The following EIF4G3 variants were observed in gnomAD, a reference collection of about 807,000 sequenced individuals.
EIF4G3 encodes eIF-4-gamma 3.
In EIF4G3, 34 loss-of-function variants were observed where a neutral mutation model predicts 186.4. The observed-to-expected ratio is 0.18, with a 90% confidence interval of 0.14 to 0.24. The LOEUF (loss-of-function observed/expected upper bound fraction) is 0.24. EIF4G3 is among the 10% of genes least tolerant of loss of function. The probability of loss-of-function intolerance (pLI) is 1.00; values close to 1 mark genes in which losing one functional copy is unlikely to be tolerated. For synonymous variants in EIF4G3, 673 were observed against 679.5 expected, an observed-to-expected ratio of 0.99 and a Z score of 0.15; for missense variants, 1,536 against 1,948.5, an observed-to-expected ratio of 0.79 and a Z score of 3.99.
At position 20,849,376 on chromosome 1, in the gene EIF4G3, GACTT is replaced by G. The variant is rs571339699; in HGVS notation, c.3888+35_3888+38del. 2.5e-4 allele frequency: 288 copies of G among 1,149,352 alleles called. 8 individuals are homozygous for G. The South Asian group carries it at 4.2e-3, about 17-fold the overall frequency. The allele number at this position is 1,149,352 out of a possible 1,614,324, so 71.2% of individuals were successfully genotyped here. ...ACCAAGTTATTCTATACTATCAAAG[GACTT>G]ACTGTGTGTGTGTTTTTTTTTTAAT... On this transcript the variant is annotated intron_variant, in intron 29 of 36. Transcript: ENST00000602326.
At chr1:21,103,440 C>A (rs2096561710) in intron 2 of EIF4G3, among the ~76,000 whole-genome samples, 1 of 151,950 alleles carries the variant, frequency 6.6e-6, no homozygotes. Flanking sequence ...TAAATAATGC[C>A]CTAGAGAATA....
intron 14 of EIF4G3, among the ~76,000 whole-genome samples, chr1:20,914,625 T>C (rs546006689): frequency 6.6e-6 from 1 of 152,354 alleles, no homozygotes; most frequent in East Asian, 1.9e-4. Flanking sequence ...CCATTATGTT[T>C]GTGGTGATTA....
At chr1:20,920,352 TTC>T (rs1395030569) in intron 14 of EIF4G3, among the ~76,000 whole-genome samples, 2 of 152,242 alleles carry the variant, frequency 1.3e-5, no homozygotes, top group Admixed American at 6.5e-5. Flanking sequence ...TTTATTCACA[TTC>T]TTTTTTATTA....
At chr1:21,078,214 TGTAA>T (rs774106207) in intron 3 of EIF4G3, among the ~76,000 whole-genome samples, 1 of 152,234 alleles carries the variant, frequency 6.6e-6, no homozygotes, top group Non-Finnish European at 1.5e-5. Flanking sequence ...TGTGGATCAA[TGTAA>T]GTATCCATCA....
At chr1:21,148,776 C>G (rs2097500426) in intron 2 of EIF4G3, among the ~76,000 whole-genome samples, 1 of 149,956 alleles carries the variant, frequency 6.7e-6, no homozygotes, top group Admixed American at 6.7e-5. Flanking sequence ...GGGAGGATAG[C>G]CAGGAGTTCA....
At chr1:21,031,206 A>C (rs554596076) in intron 4 of EIF4G3, among the ~76,000 whole-genome samples, 1 of 151,962 alleles carries the variant, frequency 6.6e-6, no homozygotes, top group Non-Finnish European at 1.5e-5. Flanking sequence ...CAACAACAAC[A>C]ACAACAACAA....
chr1:20,852,914 C>T (rs2154550684), intron 27 of EIF4G3, among the ~76,000 whole-genome samples: 1 of 151,956 alleles, frequency 6.6e-6, no homozygotes, highest in East Asian at 1.9e-4. Context: ...ATGGGAGCAT[C>T]GCTTGAGACC....
intron 12 of EIF4G3, among the ~76,000 whole-genome samples, chr1:20,969,093 C>T (rs2075306914): frequency 6.6e-6 from 1 of 152,158 alleles, no homozygotes; most frequent in African/African-American, 2.4e-5. Flanking sequence ...AAATTCTCAA[C>T]CTTAATGTTT....
intron 7 of EIF4G3, among the ~76,000 whole-genome samples, chr1:20,984,593 CTT>C (rs1158261981): frequency 4.5e-5 from 6 of 132,600 alleles, no homozygotes; most frequent in Non-Finnish European, 3.3e-5. Context: ...CATATATACA[CTT>C]TTTTTTTTTT....
In EIF4G3 at chr1:21,147,321, G is replaced by C. The variant is rs939628246; in HGVS notation, c.-272+28854C>G. On this transcript the variant is annotated intron_variant, in intron 2 of 36. Coordinates refer to ENST00000602326, the MANE Select transcript of EIF4G3 (RefSeq NM_001391906.1). Reference sequence around the variant, plus strand: ...ATTTATAAAACACATGCACTGTTTTGCTAAGTTTGTTTGTTTTTTGTTTGT... The same window carrying C: ...ATTTATAAAACACATGCACTGTTTTCCTAAGTTTGTTTGTTTTTTGTTTGT... Among the ~76,000 whole-genome samples, 3 of 151,938 alleles carry C rather than the reference G, an allele frequency of 2.0e-5. 1 individual carries two copies. Among genetic ancestry groups the C allele is most frequent in the African/African-American group, 7.2e-5 (3 of 41,384 alleles).
chr1:20,892,725 C>T (rs1474200997), intron 18 of EIF4G3: 2 of 1,532,052 alleles, frequency 1.3e-6, no homozygotes, highest in Admixed American at 4.0e-5. Flanking sequence ...CTGCACTTTG[C>T]AAATCTGTAG....
intron 4 of EIF4G3, among the ~76,000 whole-genome samples, chr1:21,006,396 G>A (rs531615042): frequency 2.4e-4 from 37 of 152,206 alleles, no homozygotes; most frequent in African/African-American, 8.4e-4. Flanking sequence ...TTCCCTTTTC[G>A]AATAATTTCA....
Position 21,133,707 on chromosome 1 carries a change from T to C in EIF4G3, c.-272+42468A>G, listed in dbSNP as rs541938244. 1.1e-4 allele frequency among the ~76,000 whole-genome samples: 16 copies of C among 152,290 alleles called. No individual in the cohort carries two copies. The East Asian group carries it at 2.1e-3, about 20-fold the overall frequency. On this transcript the variant is annotated intron_variant, in intron 2 of 36. Transcript: ENST00000602326. ...CACTCATTGACACTATCTCTAACAATTGAAGCTAATAACAGCAACTGTTTA... is the reference window on the plus strand; with the variant it reads ...CACTCATTGACACTATCTCTAACAACTGAAGCTAATAACAGCAACTGTTTA...
intron 7 of EIF4G3, 31 bp from the exon 8 acceptor site, chr1:20,982,439 A>G: frequency 6.6e-7 from 1 of 1,520,688 alleles, no homozygotes; most frequent in Non-Finnish European, 8.8e-7. Context: ...AGCAGCAGGA[A>G]ACAGAAAGAA....
chr1:20,925,707 A>C (rs1343377079), intron 14 of EIF4G3, among the ~76,000 whole-genome samples: 2 of 152,048 alleles, frequency 1.3e-5, no homozygotes, highest in African/African-American at 2.4e-5. Context: ...CTAATGTTTA[A>C]ATTTTTTGTA....
intron 3 of EIF4G3, among the ~76,000 whole-genome samples, chr1:21,061,516 C>T (rs1197309627): frequency 6.6e-6 from 1 of 152,062 alleles, no homozygotes; most frequent in Non-Finnish European, 1.5e-5. Context: ...CAGGGCCAAG[C>T]AAGTAAATCT....
At chr1:20,852,864 C>T (rs916421371) in intron 27 of EIF4G3, among the ~76,000 whole-genome samples, 2 of 151,996 alleles carry the variant, frequency 1.3e-5, no homozygotes, top group African/African-American at 4.8e-5. Context: ...ACAAAGTCTA[C>T]CTAATCAAAC....
intron 2 of EIF4G3, among the ~76,000 whole-genome samples, chr1:21,112,305 A>G (rs2096739922): frequency 6.6e-6 from 1 of 152,176 alleles, no homozygotes. Flanking sequence ...AGAGTTGAAA[A>G]CCATTCTACA....
chr1:21,127,657 T>G (rs1256441351), intron 2 of EIF4G3, among the ~76,000 whole-genome samples: 1 of 152,166 alleles, frequency 6.6e-6, no homozygotes, highest in African/African-American at 2.4e-5. Context: ...GACTCTGGGA[T>G]TCAAACAACA....
Sources: gnomAD v4.1 joint callset for allele counts (sites outside exome capture counted in the v4.1 genomes callset) on GRCh38, gnomAD v4.1.1 for gene constraint, MANE v1.5 for transcripts, NCBI Gene and HGNC (gene_info 2026-07-23, HGNC 2026-07-21) for gene names.